The following PTPRZ1 variants were observed in gnomAD, a reference collection of about 807,000 sequenced individuals.
The protein encoded by PTPRZ1 is protein tyrosine phosphatase receptor type Z1, also known as receptor-type tyrosine-protein phosphatase zeta.
A neutral mutation model predicts 214.1 loss-of-function variants in PTPRZ1; 82 were observed. That is an observed-to-expected ratio of 0.38 (90% CI 0.32 to 0.46). PTPRZ1 has a LOEUF of 0.46. PTPRZ1 is among the 20% of genes least tolerant of loss of function. The pLI, the probability that PTPRZ1 is intolerant of heterozygous loss-of-function variation, is 1.00. For synonymous variants in PTPRZ1, 945 were observed against 987.9 expected (o/e 0.96, Z 0.81); for missense variants, 2,603 against 2,748.7 (o/e 0.95, Z 1.19).
intron 8 of PTPRZ1, among the ~76,000 whole-genome samples, chr7:121,986,834 A>G (rs542346548): frequency 1.5e-4 from 23 of 152,344 alleles, no homozygotes; most frequent in Middle Eastern, 3.4e-3. Context: ...TTAACAATAA[A>G]AATGCACATT....
At position 121,982,990 on chromosome 7, in the gene PTPRZ1, G is replaced by A. The variant is rs576956711; in HGVS notation, c.620-675G>A. Among the ~76,000 whole-genome samples, 3 of 152,232 alleles carry A rather than the reference G, an allele frequency of 2.0e-5. No individual in the cohort carries two copies. In the South Asian group the frequency reaches 6.2e-4, roughly 32 times the overall value. ...GATGGGGTTTCACCGTGTTAGCCAG[G>A]ATGGTCTCGAACTCCTGACTTCGTG... On this transcript the variant is annotated intron_variant, in intron 6 of 29. Coordinates refer to ENST00000393386, the MANE Select transcript of PTPRZ1 (RefSeq NM_002851.3).
At chr7:121,901,233 T>C (rs1288719266) in intron 1 of PTPRZ1, among the ~76,000 whole-genome samples, 8 of 152,172 alleles carry the variant, frequency 5.3e-5, no homozygotes, top group Non-Finnish European at 1.0e-4. Flanking sequence ...TGCATGCCAG[T>C]AATTTCATTT....
At chr7:121,882,384 G>C (rs1794268577) in intron 1 of PTPRZ1, among the ~76,000 whole-genome samples, 1 of 152,170 alleles carries the variant, frequency 6.6e-6, no homozygotes, top group South Asian at 2.1e-4. Context: ...GATGGGATTG[G>C]ATATAGACCA....
At chr7:122,038,948 G>T in intron 19 of PTPRZ1, 59 bp downstream of exon 19, 1 of 1,578,238 alleles carries the variant, frequency 6.3e-7, no homozygotes, top group East Asian at 2.2e-5. Flanking sequence ...CTTTAAATTA[G>T]TTTTAATAGA....
intron 2 of PTPRZ1, among the ~76,000 whole-genome samples, chr7:121,956,151 C>T (rs1328236142): frequency 6.6e-6 from 1 of 152,082 alleles, no homozygotes; most frequent in Non-Finnish European, 1.5e-5. Context: ...ACTGCAACTA[C>T]CCGTCCTCTC....
chr7:122,004,559 C>G (rs1282461027), intron 10 of PTPRZ1, 55 bp from the exon 11 acceptor site: 2 of 993,784 alleles, frequency 2.0e-6, no homozygotes, highest in Non-Finnish European at 1.5e-6. Context: ...GGTAAATCCA[C>G]AAAGGCCGAA....
Position 121,940,806 on chromosome 7 carries a change from G to GA in PTPRZ1, c.124+12597dup, listed in dbSNP as rs546014910. ...TGATTCTCCCCATCACCTGCCAAAT[G>GA]AAAAAAAAAAAAGGGCTCTTTAGCT... On this transcript the variant is annotated intron_variant, in intron 2 of 29. Transcript: ENST00000393386. Among the ~76,000 whole-genome samples, 272 of 138,620 alleles carry GA rather than the reference G, an allele frequency of 2.0e-3. 1 individual carries two copies. The highest frequency in any genetic ancestry group is 7.8e-3 in the South Asian group (34 of 4,344). The allele number at this position is 138,620 out of a possible 152,430, so 90.9% of individuals were successfully genotyped here.
At chr7:122,015,755 A>G (rs1206383) in intron 12 of PTPRZ1, among the ~76,000 whole-genome samples, 143,904 of 152,072 alleles carry the variant, frequency 0.95, 68,175 homozygotes, top group East Asian at 1. Flanking sequence ...AGCTTAGCAA[A>G]TTTCTCTTCA....
intron 1 of PTPRZ1, among the ~76,000 whole-genome samples, chr7:121,914,661 G>A (rs1439234702): frequency 6.6e-6 from 1 of 152,086 alleles, no homozygotes; most frequent in East Asian, 1.9e-4. Context: ...AATATCCTTG[G>A]TGGTCCATGG....
chr7:122,001,872 G>A (rs1032080818), intron 10 of PTPRZ1, among the ~76,000 whole-genome samples: 5 of 152,112 alleles, frequency 3.3e-5, no homozygotes, highest in African/African-American at 1.2e-4. Context: ...TTCACTATCT[G>A]ACTTTTTTCT....
At position 122,059,744 on chromosome 7, in the gene PTPRZ1, T is replaced by G; in HGVS notation, c.6672-9T>G. On this transcript the variant is annotated splice_polypyrimidine_tract_variant and intron_variant, in intron 28 of 29. Transcript: ENST00000393386. ...AGTCTTTGTTCCTTTTCTTTTTTTT[T>G]TTTACAAGGCATGGAGGAGTGACGG... 2.5e-6 allele frequency: 4 copies of G among 1,586,424 alleles called. No individual in the cohort carries two copies. Among genetic ancestry groups the G allele is most frequent in the Non-Finnish European group, 3.4e-6 (4 of 1,172,350 alleles).
Position 121,916,708 on chromosome 7 carries a change from T to C in PTPRZ1, c.59-11448T>C, listed in dbSNP as rs186214055. The stretch of plus-strand genomic sequence containing the variant: ...GAGCATCTGCCACTGCAGAGTACAT[T>C]CAAATTTCAGGCAAAATTTGGGAAA... On this transcript the variant is annotated intron_variant, in intron 1 of 29. Coordinates refer to ENST00000393386, the MANE Select transcript of PTPRZ1 (RefSeq NM_002851.3). 2.8e-3 allele frequency among the ~76,000 whole-genome samples: 425 copies of C among 152,328 alleles called. 1 individual carries two copies. Among genetic ancestry groups the C allele is most frequent in the Non-Finnish European group, 4.4e-3 (302 of 68,034 alleles).
At chr7:122,042,574 C>T in intron 21 of PTPRZ1, 34 bp from the exon 22 acceptor site, 3 of 1,551,324 alleles carry the variant, frequency 1.9e-6, no homozygotes, top group Non-Finnish European at 2.6e-6. Flanking sequence ...TTATGCTTAA[C>T]ATTGAAATAT....
chr7:121,928,274 AT>A, intron 2 of PTPRZ1, 53 bp downstream of exon 2: 1 of 1,346,568 alleles, frequency 7.4e-7, no homozygotes, highest in African/African-American at 1.5e-5. Context: ...ATTGTTTTGT[AT>A]CTATTTTTAT....
chr7:122,044,315 C>T, intron 22 of PTPRZ1, 107 bp from the exon 23 acceptor site: 1 of 1,310,822 alleles, frequency 7.6e-7, no homozygotes, highest in Non-Finnish European at 1.1e-6. Context: ...GGTCTTCCCC[C>T]ATTCTGTAAA....
At chr7:121,908,938 A>G (rs1795194090) in intron 1 of PTPRZ1, 1 of 517,108 alleles carries the variant, frequency 1.9e-6, no homozygotes, top group Non-Finnish European at 3.9e-6. Flanking sequence ...TTCATTTAGG[A>G]TTTGCAGAAT....
intron 3 of PTPRZ1, among the ~76,000 whole-genome samples, chr7:121,972,227 C>T (rs1371145517): frequency 6.6e-6 from 1 of 151,924 alleles, no homozygotes; most frequent in Non-Finnish European, 1.5e-5. Context: ...TACCATCTGA[C>T]ATCTTAGGGA....
chr7:121,884,686 C>CTT (rs1584600699), intron 1 of PTPRZ1, among the ~76,000 whole-genome samples: 1 of 152,118 alleles, frequency 6.6e-6, no homozygotes. Context: ...TCTCCTTGGT[C>CTT]TTTTTTAATA....
chr7:121,952,987 TA>T (rs753824442), intron 2 of PTPRZ1, among the ~76,000 whole-genome samples: 48 of 149,686 alleles, frequency 3.2e-4, no homozygotes, highest in African/African-American at 8.8e-4. Context: ...TGACACTAAT[TA>T]AAAAAAAAAT....
Sources: allele counts gnomAD v4.1 joint callset (sites outside exome capture counted in the v4.1 genomes callset), GRCh38; gene constraint gnomAD v4.1.1; transcripts MANE v1.5; gene names NCBI Gene and HGNC (gene_info 2026-07-23, HGNC 2026-07-21).